The following NHSL1 variants were observed in gnomAD, a reference collection of about 807,000 sequenced individuals.
NHSL1 encodes the protein NHS-like protein 1.
Under a neutral mutation model 95.0 loss-of-function variants are expected in NHSL1, and 48 were observed. That is an observed-to-expected ratio of 0.51 (90% CI 0.40 to 0.64). The LOEUF (loss-of-function observed/expected upper bound fraction) is 0.64, where lower values mean the gene tolerates loss of function less well. Ranked by LOEUF, NHSL1 falls within the 30% of genes least tolerant of loss-of-function variation. NHSL1 has a pLI of 0.00. For missense variants in NHSL1, 1,971 were observed against 2,077.7 expected (o/e 0.95, Z 1.00); for synonymous variants, 783 against 833.9 (o/e 0.94, Z 1.05).
intron 1 of NHSL1, chr6:138,512,158 G>A (rs1463579238): frequency 2.8e-6 from 1 of 359,476 alleles, no homozygotes; most frequent in African/African-American, 2.2e-5. Flanking sequence ...ATACATTTAG[G>A]CTGCTGAGGG....
intron 3 of NHSL1, among the ~76,000 whole-genome samples, chr6:138,451,589 T>C (rs1161519644): frequency 6.6e-6 from 1 of 152,252 alleles, no homozygotes; most frequent in Non-Finnish European, 1.5e-5. Context: ...CTGATAGCTA[T>C]ATGCCTTGCC....
At chr6:138,586,972 C>G (rs954751468) in intron 1 of NHSL1, among the ~76,000 whole-genome samples, 2 of 151,510 alleles carry the variant, frequency 1.3e-5, no homozygotes, top group Non-Finnish European at 2.9e-5. Flanking sequence ...TCGTTGGGCG[C>G]GTGTGTTTTT....
intron 1 of NHSL1, among the ~76,000 whole-genome samples, chr6:138,636,818 T>C (rs1784894485): frequency 6.6e-6 from 1 of 152,142 alleles, no homozygotes; most frequent in Non-Finnish European, 1.5e-5. Context: ...ATCAACATTG[T>C]TAAAATGTTC....
intron 1 of NHSL1, among the ~76,000 whole-genome samples, chr6:138,664,903 C>T (rs1192871798): frequency 1.3e-5 from 2 of 152,148 alleles, no homozygotes; most frequent in African/African-American, 4.8e-5. Flanking sequence ...GGAAACTTAG[C>T]TTTTTATCTT....
chr6:138,485,222 C>A (rs1026448547), intron 2 of NHSL1, among the ~76,000 whole-genome samples: 6 of 152,118 alleles, frequency 3.9e-5, no homozygotes, highest in Non-Finnish European at 8.8e-5. Flanking sequence ...ACCAACAGTA[C>A]CTTCAATGTA....
chr6:138,673,204 T>C (rs1785403443), intron 1 of NHSL1, among the ~76,000 whole-genome samples: 1 of 152,138 alleles, frequency 6.6e-6, no homozygotes, highest in Non-Finnish European at 1.5e-5. Flanking sequence ...TATGATATTT[T>C]CTAATCATGC....
At chr6:138,588,225 A>G (rs2114513911) in intron 1 of NHSL1, among the ~76,000 whole-genome samples, 2 of 152,334 alleles carry the variant, frequency 1.3e-5, no homozygotes, top group South Asian at 4.1e-4. Flanking sequence ...CACTTTGGGA[A>G]GCCCAGGCGG....
intron 1 of NHSL1, among the ~76,000 whole-genome samples, chr6:138,619,127 C>A (rs1299014831): frequency 6.6e-6 from 1 of 152,170 alleles, no homozygotes; most frequent in Non-Finnish European, 1.5e-5. Flanking sequence ...CACCTGAGGT[C>A]AGGAATTTGA....
chr6:138,615,360 C>T (rs1784565163), intron 1 of NHSL1, among the ~76,000 whole-genome samples: 1 of 152,220 alleles, frequency 6.6e-6, no homozygotes, highest in Non-Finnish European at 1.5e-5. Context: ...CATACACATA[C>T]TCCCAATCTT....
chr6:138,437,465 A>G (rs1392843867), intron 5 of NHSL1, among the ~76,000 whole-genome samples: 1 of 141,516 alleles, frequency 7.1e-6, no homozygotes, highest in African/African-American at 2.6e-5. Context: ...AAAAAAAAAT[A>G]CAATGCACCT....
intron 1 of NHSL1, among the ~76,000 whole-genome samples, chr6:138,594,261 ACT>A (rs542730158): frequency 4.7e-4 from 71 of 152,222 alleles, no homozygotes; most frequent in Non-Finnish European, 7.9e-4. Flanking sequence ...GAACAGTTAG[ACT>A]CTCATTCACA....
Position 138,431,459 on chromosome 6 carries a change from G to A in NHSL1, c.2886C>T (p.Gly962=), listed in dbSNP as rs760002199. ...ACACAGGAGAGTGAGGCAGAGGAGA[G>A]CCCTGGGAGCAATCTGTGACAGGAG... ...PPPPVTDCSQ[G]SPLPHSPVFP... Residue 962 remains glycine (G), a synonymous_variant, in exon 6 of 8, where the codon GGC becomes GGT. Transcript: ENST00000343505. The surrounding 1 kb of genome is among the most constrained non-coding windows in gnomAD (Gnocchi z 4.0). 20 of 1,551,020 alleles carry A rather than the reference G, an allele frequency of 1.3e-5. No homozygotes were observed. Among genetic ancestry groups the A allele is most frequent in the Middle Eastern group, 1.7e-4 (1 of 5,978 alleles).
intron 1 of NHSL1, chr6:138,650,886 G>A (rs1171846511): frequency 1.5e-5 from 8 of 540,644 alleles, no homozygotes; most frequent in Non-Finnish European, 2.6e-5. Context: ...CTCGGGCCTT[G>A]GAACAGCCCT....
intron 1 of NHSL1, among the ~76,000 whole-genome samples, chr6:138,497,702 AATT>A (rs1309639222): frequency 1.3e-5 from 2 of 152,170 alleles, no homozygotes; most frequent in Admixed American, 6.5e-5. Flanking sequence ...GAACAGTAAA[AATT>A]ATTCTAACGA....
At chr6:138,574,358 A>T (rs538628378), upstream of NHSL1, among the ~76,000 whole-genome samples, 2 of 152,172 alleles carry the variant, frequency 1.3e-5, no homozygotes, top group Non-Finnish European at 2.9e-5. Context: ...AGGAAAAGTA[A>T]AAAAAGACCA....
intron 1 of NHSL1, among the ~76,000 whole-genome samples, chr6:138,666,343 G>A (rs999356402): frequency 6.6e-6 from 1 of 152,098 alleles, no homozygotes. Flanking sequence ...GCTCCCGCCT[G>A]TAATCCCAGC....
chr6:138,525,765 C>G (rs1781878779), intron 1 of NHSL1, among the ~76,000 whole-genome samples: 1 of 151,894 alleles, frequency 6.6e-6, no homozygotes, highest in Non-Finnish European at 1.5e-5. Flanking sequence ...ACTTTGGGAT[C>G]TGATAAGGAA....
intron 1 of NHSL1, among the ~76,000 whole-genome samples, chr6:138,596,205 G>A (rs184939304): frequency 4.6e-5 from 7 of 152,206 alleles, no homozygotes; most frequent in African/African-American, 1.2e-4. Context: ...ACCTAGACAC[G>A]CTGCTGAAAC....
chr6:138,650,309 C>T (rs111632600), intron 1 of NHSL1: 13 of 773,794 alleles, frequency 1.7e-5, no homozygotes, highest in African/African-American at 1.0e-4. Context: ...TCAGGTACTT[C>T]CAGCAGTGAA....
Sources: gnomAD v4.1 joint callset for allele counts (sites outside exome capture counted in the v4.1 genomes callset) on GRCh38, gnomAD v4.1.1 for gene constraint, Gnocchi (gnomAD v3.1) non-coding constraint, MANE v1.5 for transcripts, NCBI Gene and HGNC (gene_info 2026-07-23, HGNC 2026-07-21) for gene names.